Variants in ALKBH4 observed in about 807,000 individuals in gnomAD.
ALKBH4 encodes the protein alkB homolog 4, lysine demethylase, also known as alpha-ketoglutarate-dependent dioxygenase alkB homolog 4.
A neutral mutation model predicts 12.1 loss-of-function variants in ALKBH4; 8 were observed. The ratio of observed to expected loss-of-function variants is 0.66; its 90% confidence interval spans 0.39 to 1.19. The LOEUF (loss-of-function observed/expected upper bound fraction) is 1.19, where lower values mean the gene tolerates loss of function less well. Ranked by LOEUF, ALKBH4 falls within the 50% of genes most tolerant of loss-of-function variation. The pLI is 0.01. For synonymous variants in ALKBH4, 195 were observed against 191.6 expected (o/e 1.02, Z -0.15); for missense variants, 403 against 430.4 (o/e 0.94, Z 0.56).
At position 102,457,853 on chromosome 7, in the gene ALKBH4, G is replaced by T. The variant is rs538015770; in HGVS notation, c.450C>A (p.Pro150=). The T allele has an allele frequency of 6.2e-7, 1 of 1,611,790 alleles. No homozygotes were observed. Among genetic ancestry groups the T allele is most frequent in the Non-Finnish European group, 8.5e-7 (1 of 1,179,970 alleles). Residue 150 remains proline, a synonymous_variant, in exon 3 of 3, where the codon CCC becomes CCA. Transcript: ENST00000292566. This position sits in a 1 kb window ranked among gnomAD's most constrained non-coding sequence, Gnocchi z 5.9. The stretch of plus-strand genomic sequence containing the variant: ...AGTAGTCCAGGTTGCACTGCTCGAC[G>T]GGCCGGAAGCCCTCCAGCCCCGGGT... ...GLYPGLEGFR[P]VEQCNLDYCP... is the part of the protein sequence containing the mutation.
In ALKBH4 at chr7:102,457,571, G is replaced by A. The variant is rs749962932; in HGVS notation, c.732C>T (p.Leu244=). The A allele has an allele frequency of 6.2e-7, 1 of 1,609,614 alleles. No homozygotes were observed. The highest frequency in any genetic ancestry group is 8.5e-7 in the Non-Finnish European group (1 of 1,179,746). Residue 244 remains leucine (L), a synonymous_variant, in exon 3 of 3, where the codon CTC becomes CTT. Transcript: ENST00000292566. This position sits in a 1 kb window ranked among gnomAD's most constrained non-coding sequence, Gnocchi z 5.9. The part of the protein sequence containing the change: ...IPLPARSLLV[L]TGAARHQWKH... ...TCCACTGGTGCCGTGCCGCCCCGGT[G>A]AGGACCAGCAGGGAGCGGGCGGGTA...
Position 102,457,914 on chromosome 7 carries a change from C to T in ALKBH4, c.389G>A (p.Ser130Asn), listed in dbSNP as rs1797697335. ...LKTEGFCGLP[S>N]FSREVVRRMG... ...CCTCCGCACCACCTCCCGGCTGAAG[C>T]TGGGGAGGCCGCAGAAGCCCTCGGT... Residue 130 changes from serine to asparagine, a missense_variant, in exon 3 of 3, where the codon AGC (serine) becomes AAC (asparagine). Coordinates refer to ENST00000292566, the MANE Select transcript of ALKBH4 (RefSeq NM_017621.4). This position sits in a 1 kb window ranked among gnomAD's most constrained non-coding sequence, Gnocchi z 5.9. 1.2e-6 allele frequency: 2 copies of T among 1,613,462 alleles called. No homozygotes were observed. The highest frequency in any genetic ancestry group is 8.5e-7 in the Non-Finnish European group (1 of 1,179,968).
intron 1 of ALKBH4, among the ~76,000 whole-genome samples, chr7:102,461,869 G>C (rs1423124041): frequency 6.6e-6 from 1 of 152,148 alleles, no homozygotes; most frequent in African/African-American, 2.4e-5. Context: ...TCAGCCCTGG[G>C]CTCTGTGGCC....
intron 2 of ALKBH4, 34 bp from the exon 3 acceptor site, chr7:102,458,015 C>T (rs1563648307): frequency 5.8e-6 from 9 of 1,551,400 alleles, no homozygotes; most frequent in Admixed American, 1.8e-5. Context: ...CATGAGGTGT[C>T]TGAGTTTACG....
At chr7:102,458,572 AAATAAT>A (rs138026129) in intron 2 of ALKBH4, among the ~76,000 whole-genome samples, 18,874 of 151,336 alleles carry the variant, frequency 0.12, 1,773 homozygotes, top group East Asian at 0.47. Context: ...CCCTGTCTCA[AAATAAT>A]AATAATAATA....
intron 2 of ALKBH4, among the ~76,000 whole-genome samples, chr7:102,458,471 A>C (rs1386722458): frequency 6.6e-6 from 1 of 152,162 alleles, no homozygotes; most frequent in Admixed American, 6.6e-5. Flanking sequence ...TAGGAGGCTG[A>C]GGTGAGAGGA....
At position 102,462,316 on chromosome 7, in the gene ALKBH4, G is replaced by T. The variant is rs112807070; in HGVS notation, c.123+2398C>A. Among the ~76,000 whole-genome samples, 342 of 152,186 alleles carry T rather than the reference G, an allele frequency of 2.2e-3. 2 individuals carry two copies. Among genetic ancestry groups the T allele is most frequent in the Non-Finnish European group, 3.8e-3 (256 of 68,026 alleles). ...TGTTCCATAGCCATCGGGTTGGGAA[G>T]ATGTCACCTCCACATGGCCACTGGA... On this transcript the variant is annotated intron_variant, in intron 1 of 2. Coordinates refer to ENST00000292566, the MANE Select transcript of ALKBH4 (RefSeq NM_017621.4).
intron 2 of ALKBH4, among the ~76,000 whole-genome samples, chr7:102,459,136 ACT>A (rs1797729943): frequency 1.5e-5 from 2 of 137,570 alleles, no homozygotes; most frequent in Admixed American, 7.7e-5. Context: ...GCAGAGCGAG[ACT>A]CTGTCTCAAA....
rs758972636 is a variant in ALKBH4, at chr7:102,457,807, T to C, written c.496A>G (p.Ile166Val). The C allele has an allele frequency of 3.7e-6, 6 of 1,608,298 alleles. No individual in the cohort carries two copies. The highest frequency in any genetic ancestry group is 4.2e-6 in the Non-Finnish European group (5 of 1,179,074). The change falls in exon 3 of 3, where the codon ATT becomes GTT. Residue 166 changes from isoleucine (I) to valine (V), a missense_variant. By Grantham distance (29) the Ile-to-Val change is conservative. Coordinates refer to ENST00000292566, the MANE Select transcript of ALKBH4 (RefSeq NM_017621.4). This position sits in a 1 kb window ranked among gnomAD's most constrained non-coding sequence, Gnocchi z 5.9. ...CAGGCGTCGTCCAGGTGGGGGTCAA[T>C]GGCAGAGCCCCGCTCGGGGCAGTAG... is the stretch of plus-strand genomic sequence containing the variant. The part of the protein sequence containing the change: ...LDYCPERGSA[I>V]DPHLDDAWLW...
rs1186672559 is a variant in ALKBH4 at position 102,457,349 on chromosome 7, C to T, written c.*45G>A. The T allele has an allele frequency of 1.3e-6, 2 of 1,565,396 alleles. No homozygotes were observed. Among genetic ancestry groups the T allele is most frequent in the South Asian group, 1.2e-5 (1 of 84,338 alleles). On this transcript the variant is annotated 3_prime_UTR_variant, in exon 3 of 3. Coordinates refer to ENST00000292566, the MANE Select transcript of ALKBH4 (RefSeq NM_017621.4). This position sits in a 1 kb window ranked among gnomAD's most constrained non-coding sequence, Gnocchi z 5.9. ...GCAGGAGGCCCTGTTCTGTGCTCCT[C>T]ATTTCAATCCCGGGATCAGTCAAGT... is the stretch of plus-strand genomic sequence containing the variant.
chr7:102,458,171 T>G (rs1797704188), intron 2 of ALKBH4, among the ~76,000 whole-genome samples, 190 bp from the exon 3 acceptor site: 1 of 152,034 alleles, frequency 6.6e-6, no homozygotes, highest in South Asian at 2.1e-4. Context: ...TGGTGGTGCA[T>G]GCCTGTAATC....
intron 1 of ALKBH4, among the ~76,000 whole-genome samples, chr7:102,460,612 T>C (rs1797772839): frequency 6.6e-6 from 1 of 152,192 alleles, no homozygotes; most frequent in South Asian, 2.1e-4. Flanking sequence ...TTCTCCATTT[T>C]ACAAAGGAGG....
rs1563647448 is a variant in ALKBH4 at position 102,457,512 on chromosome 7, CG to C, written c.790del (p.Arg264AlafsTer48). ...HAIHRRHIEA[R>X]RVCVTFRELS... ...CTCCCGGAAAGTGACGCAGACGCGG[CG>C]GGCCTCGATGTGTCTGCGGTGGATG... On this transcript the variant is annotated frameshift_variant, in exon 3 of 3. Coordinates refer to ENST00000292566, the MANE Select transcript of ALKBH4 (RefSeq NM_017621.4). LOFTEE classifies it low-confidence loss of function (END_TRUNC). The surrounding 1 kb of genome is among the most constrained non-coding windows in gnomAD (Gnocchi z 5.9). 6.2e-7 allele frequency: 1 copy of C among 1,613,122 alleles called. No homozygotes were observed. The highest frequency in any genetic ancestry group is 1.7e-5 in the Admixed American group (1 of 60,012).
chr7:102,461,507 C>A (rs1253823274), intron 1 of ALKBH4, among the ~76,000 whole-genome samples: 1 of 151,746 alleles, frequency 6.6e-6, no homozygotes, highest in South Asian at 2.1e-4. Context: ...ACTACAGGTG[C>A]GCGCCACCAT....
At chr7:102,463,630 C>T (rs1797856732) in intron 1 of ALKBH4, among the ~76,000 whole-genome samples, 1 of 152,096 alleles carries the variant, frequency 6.6e-6, no homozygotes, top group South Asian at 2.1e-4. Context: ...GAACCCGGCC[C>T]AGGTATCTTG....
chr7:102,461,165 C>T (rs930239603), intron 1 of ALKBH4, among the ~76,000 whole-genome samples: 5 of 151,996 alleles, frequency 3.3e-5, no homozygotes, highest in Admixed American at 6.6e-5. Flanking sequence ...GGCAAAACCC[C>T]GTCTCTATTA....
rs2133247928 is a variant in ALKBH4, at chr7:102,456,426, T to C, written c.*968A>G. ...TGCCCAGACGCCCAGCTAATGTTTG[T>C]ATTTTTTGTAGAGATGGGGGTCTCA... is the stretch of plus-strand genomic sequence containing the variant. On this transcript the variant is annotated 3_prime_UTR_variant, in exon 3 of 3. Transcript: ENST00000292566. 6.6e-6 allele frequency: 1 copy of C among 152,268 alleles called. No individual in the cohort carries two copies. The highest frequency in any genetic ancestry group is 1.5e-5 in the Non-Finnish European group (1 of 68,074). 9.4% of individuals were successfully genotyped at this position (152,268 alleles called of 1,614,324 possible).
At position 102,456,593 on chromosome 7, in the gene ALKBH4, T is replaced by C. The variant is rs553470803; in HGVS notation, c.*801A>G. 2 of 152,100 alleles carry C rather than the reference T, an allele frequency of 1.3e-5. No individual in the cohort carries two copies. The highest frequency in any genetic ancestry group is 2.9e-5 in the Non-Finnish European group (2 of 68,024). The allele number at this position is 152,100 out of a possible 1,614,324, so 9.4% of individuals were successfully genotyped here. A position where few individuals can be genotyped will look rare whatever the true frequency, so the allele number is the denominator to read the frequency against. On this transcript the variant is annotated 3_prime_UTR_variant, in exon 3 of 3. Coordinates refer to ENST00000292566, the MANE Select transcript of ALKBH4 (RefSeq NM_017621.4). Reference sequence around the variant, plus strand: ...CAGCGTTATGGGGCTGGAAGGAGGCTCTCAGATTTCCCTGCCCTCCTCACA... The same window carrying C: ...CAGCGTTATGGGGCTGGAAGGAGGCCCTCAGATTTCCCTGCCCTCCTCACA...
In ALKBH4 at chr7:102,464,611, C is replaced by T. The variant is rs947642490; in HGVS notation, c.123+103G>A. 1.6e-5 allele frequency: 23 copies of T among 1,409,024 alleles called. No homozygotes were observed. The Admixed American group carries it at 4.4e-4, about 27-fold the overall frequency. The allele number at this position is 1,409,024 out of a possible 1,614,324, so 87.3% of individuals were successfully genotyped here. A position where few individuals can be genotyped will look rare whatever the true frequency, so the allele number is the denominator to read the frequency against. ...CTGCATCACCCCTACCGTAAGGGTC[C>T]CTCACAGGCTTCGATCCCGGCCCCT... On this transcript the variant is annotated intron_variant, in intron 1 of 2. Coordinates refer to ENST00000292566, the MANE Select transcript of ALKBH4 (RefSeq NM_017621.4).
Sources: allele counts gnomAD v4.1 joint callset (sites outside exome capture counted in the v4.1 genomes callset), GRCh38; gene constraint gnomAD v4.1.1; non-coding constraint Gnocchi (gnomAD v3.1); transcripts MANE v1.5; gene names NCBI Gene and HGNC (gene_info 2026-07-23, HGNC 2026-07-21).